Variants in TXNL4A observed in about 807,000 individuals in gnomAD.
The protein encoded by TXNL4A is thioredoxin like 4A, also known as thioredoxin-like protein 4A.
Under a neutral mutation model 14.6 loss-of-function variants are expected in TXNL4A, and 17 were observed. The ratio of observed to expected loss-of-function variants is 1.16; its 90% CI spans 0.80 to 1.74. The LOEUF (loss-of-function observed/expected upper bound fraction) is 1.74. TXNL4A is among the 40% of genes most tolerant of loss of function. The probability of loss-of-function intolerance (pLI) is 0.00; values close to 1 mark genes in which losing one functional copy is unlikely to be tolerated. For missense variants in TXNL4A, 74 were observed against 195.2 expected, an observed-to-expected ratio of 0.38 and a Z score of 3.70; for synonymous variants, 83 against 70.6, an observed-to-expected ratio of 1.18 and a Z score of -0.88.
intron 1 of TXNL4A, among the ~76,000 whole-genome samples, chr18:79,985,614 C>A (rs765922990): frequency 3.3e-5 from 5 of 152,196 alleles, no homozygotes; most frequent in Non-Finnish European, 7.3e-5. Context: ...TTAGCAAACT[C>A]TAGGCATCTG....
At chr18:80,021,610 T>A (rs1190421514) in intron 1 of TXNL4A, among the ~76,000 whole-genome samples, 1 of 152,192 alleles carries the variant, frequency 6.6e-6, no homozygotes, top group Non-Finnish European at 1.5e-5. Context: ...AGTATACGGA[T>A]TAGGAACCAC....
chr18:80,010,198 G>A (rs1371776027), intron 1 of TXNL4A, among the ~76,000 whole-genome samples: 2 of 152,174 alleles, frequency 1.3e-5, no homozygotes, highest in African/African-American at 2.4e-5. Context: ...TTTAATAAGC[G>A]AAAGAAGAAA....
chr18:79,976,676 A>C (rs965290878), intron 2 of TXNL4A: 1 of 413,302 alleles, frequency 2.4e-6, no homozygotes, highest in Non-Finnish European at 4.8e-6. Context: ...AAAGAATACA[A>C]AACTAACGCA....
At chr18:80,032,141 T>C (rs900788082) in intron 1 of TXNL4A, among the ~76,000 whole-genome samples, 6 of 152,150 alleles carry the variant, frequency 3.9e-5, no homozygotes, top group Admixed American at 1.3e-4. Context: ...TTTTTCCTCT[T>C]TTTTCCTTTC....
chr18:79,973,060 T>C lies in TXNL4A; in HGVS notation c.*625A>G, dbSNP rs2051322451. On this transcript the variant is annotated 3_prime_UTR_variant, in exon 3 of 3. Transcript: ENST00000269601. ...AATGTAATTAGTTAAGATTAGGCCA[T>C]GCTGGAGCAGGGTGGGCCCCAATCC... is the stretch of plus-strand genomic sequence containing the variant. 2 of 152,222 alleles carry C rather than the reference T, an allele frequency of 1.3e-5. No homozygotes were observed. Among genetic ancestry groups the C allele is most frequent in the African/African-American group, 2.4e-5 (1 of 41,456 alleles). The allele number at this position is 152,222 out of a possible 1,614,324, so 9.4% of individuals were successfully genotyped here.
At chr18:79,989,751 T>C (rs2051612118), upstream of TXNL4A, among the ~76,000 whole-genome samples, 1 of 152,064 alleles carries the variant, frequency 6.6e-6, no homozygotes, top group African/African-American at 2.4e-5. Context: ...TCCCAGCACT[T>C]TGGGAGGCCG....
intron 1 of TXNL4A, among the ~76,000 whole-genome samples, chr18:80,001,044 A>G (rs1482365965): frequency 6.6e-6 from 1 of 152,228 alleles, no homozygotes; most frequent in Non-Finnish European, 1.5e-5. Context: ...GCCTAGTAGG[A>G]AAAAATGTTT....
chr18:79,996,128 C>T (rs900747175), intron 1 of TXNL4A, among the ~76,000 whole-genome samples: 1 of 71,966 alleles, frequency 1.4e-5, no homozygotes, highest in African/African-American at 4.0e-5. Context: ...AAAAAAAAAA[C>T]GGCCAGGACA....
Position 79,988,461 on chromosome 18 carries a change from G to T in TXNL4A, c.-69C>A. The T allele has an allele frequency of 7.8e-7, 1 of 1,275,380 alleles. No homozygotes were observed. Among genetic ancestry groups the T allele is most frequent in the South Asian group, 2.5e-5 (1 of 40,736 alleles). The allele number at this position is 1,275,380 out of a possible 1,614,324, so 79.0% of individuals were successfully genotyped here. A position where few individuals can be genotyped will look rare whatever the true frequency, so the allele number is the denominator to read the frequency against. ...AGGGCCCAGCGAGGTGGGCTCAGCC[G>T]GCCCCTCACTCCCCGGCCCCCGCCG... On this transcript the variant is annotated 5_prime_UTR_variant, in exon 1 of 3. Coordinates refer to ENST00000269601, the MANE Select transcript of TXNL4A (RefSeq NM_006701.5).
At chr18:79,984,318 G>T (rs547442673) in intron 1 of TXNL4A, among the ~76,000 whole-genome samples, 1 of 152,272 alleles carries the variant, frequency 6.6e-6, no homozygotes, top group East Asian at 1.9e-4. Context: ...CATGGGCCAG[G>T]CATGGTGGCT....
intron 1 of TXNL4A, among the ~76,000 whole-genome samples, chr18:80,008,867 T>G (rs1055433666): frequency 3.9e-5 from 6 of 152,214 alleles, no homozygotes; most frequent in Admixed American, 3.9e-4. Context: ...AACCTCCGCC[T>G]CCTGAGTTCA....
At chr18:79,983,340 G>C (rs2051493077) in intron 1 of TXNL4A, among the ~76,000 whole-genome samples, 2 of 152,172 alleles carry the variant, frequency 1.3e-5, no homozygotes, top group South Asian at 4.1e-4. Flanking sequence ...TGAATTGTAA[G>C]TATCTTTTCC....
intron 1 of TXNL4A, among the ~76,000 whole-genome samples, chr18:79,984,358 C>G (rs1361629571): frequency 6.6e-6 from 1 of 152,072 alleles, no homozygotes; most frequent in African/African-American, 2.4e-5. Flanking sequence ...TTTTGGGAGG[C>G]TGAGGTGACT....
At chr18:80,032,878 G>A (rs755987245) in intron 1 of TXNL4A, among the ~76,000 whole-genome samples, 2 of 152,122 alleles carry the variant, frequency 1.3e-5, no homozygotes, top group Non-Finnish European at 2.9e-5. Flanking sequence ...CAAATTGATA[G>A]CTTATCTTTA....
At chr18:79,976,844 A>G (rs1286069458) in intron 2 of TXNL4A, 2 of 450,994 alleles carry the variant, frequency 4.4e-6, no homozygotes, top group Non-Finnish European at 8.9e-6. Flanking sequence ...AATTTCCATA[A>G]TGAAATTTTT....
At chr18:79,989,742 C>G (rs988811862), upstream of TXNL4A, among the ~76,000 whole-genome samples, 1 of 152,080 alleles carries the variant, frequency 6.6e-6, no homozygotes, top group African/African-American at 2.4e-5. Context: ...CGCCTGTAAT[C>G]CCAGCACTTT....
intron 1 of TXNL4A, among the ~76,000 whole-genome samples, chr18:79,983,949 A>G (rs1377082786): frequency 6.6e-6 from 1 of 151,902 alleles, no homozygotes; most frequent in Admixed American, 6.6e-5. Flanking sequence ...CCGCCGCTCA[A>G]CACCACTCCT....
chr18:80,024,512 C>T (rs755637422), intron 1 of TXNL4A, among the ~76,000 whole-genome samples: 1 of 152,008 alleles, frequency 6.6e-6, no homozygotes, highest in Non-Finnish European at 1.5e-5. Flanking sequence ...CAGTCCTTTC[C>T]CCAATCAGAT....
intron 1 of TXNL4A, among the ~76,000 whole-genome samples, chr18:80,010,606 G>A (rs2051763399): frequency 6.6e-6 from 1 of 152,202 alleles, no homozygotes; most frequent in Non-Finnish European, 1.5e-5. Context: ...ACATCTTCCT[G>A]GGAGCCCACT....
Sources: allele counts gnomAD v4.1 joint callset (sites outside exome capture counted in the v4.1 genomes callset), GRCh38; gene constraint gnomAD v4.1.1; transcripts MANE v1.5; gene names NCBI Gene and HGNC (gene_info 2026-07-23, HGNC 2026-07-21).